The following RFC3 variants were observed in gnomAD, a reference collection of about 807,000 sequenced individuals.
The protein encoded by RFC3 is replication factor C subunit 3, also known as A1 38 kDa subunit.
RFC3 carries 41 observed loss-of-function variants against 45.1 expected under a neutral mutation model. The ratio of observed to expected loss-of-function variants is 0.91; its 90% CI spans 0.71 to 1.18. The LOEUF is 1.18. RFC3 is among the 50% of genes most tolerant of loss of function. The pLI is 0.00. For synonymous variants in RFC3, 149 were observed against 144.0 expected (o/e 1.03, Z -0.25); for missense variants, 423 against 428.1 (o/e 0.99, Z 0.10).
At chr13:33,874,113 A>G (rs2082430452) in intron 8 of RFC3, among the ~76,000 whole-genome samples, 1 of 152,200 alleles carries the variant, frequency 6.6e-6, no homozygotes, top group African/African-American at 2.4e-5. Context: ...CCTCTTCTGG[A>G]CCACACATAA....
chr13:33,894,308 A>G (rs1050787804), intron 8 of RFC3, among the ~76,000 whole-genome samples: 20 of 152,150 alleles, frequency 1.3e-4, no homozygotes, highest in Non-Finnish European at 2.2e-4. Flanking sequence ...GGTGGGGAGT[A>G]TATGAGAAGG....
chr13:33,900,165 A>G (rs1156909144), intron 8 of RFC3, among the ~76,000 whole-genome samples: 1 of 152,016 alleles, frequency 6.6e-6, no homozygotes, highest in Admixed American at 6.6e-5. Context: ...CTTCACAGAA[A>G]TACAAAAAGC....
chr13:33,823,922 A>T lies in RFC3; in HGVS notation c.231A>T (p.Pro77=), dbSNP rs1160535881. 3.9e-6 allele frequency: 6 copies of T among 1,540,238 alleles called. No individual in the cohort carries two copies. The highest frequency in any genetic ancestry group is 4.5e-6 in the Non-Finnish European group (5 of 1,121,968). The stretch of plus-strand genomic sequence containing the variant: ...ATCTTTTTCTTTGTCCACAGACTCC[A>T]TCTAAAAAAAAAATTGAAATTAGCA... The part of the protein sequence containing the change: ...LRIEHQTITT[P]SKKKIEISTI... The change falls in exon 3 of 9, where the codon CCA becomes CCT. Residue 77 remains proline, a synonymous_variant. Transcript: ENST00000380071.
intron 8 of RFC3, among the ~76,000 whole-genome samples, chr13:33,933,769 A>G (rs977359889): frequency 6.6e-6 from 1 of 152,118 alleles, no homozygotes; most frequent in Non-Finnish European, 1.5e-5. Context: ...ATTTGTTTGC[A>G]TTTATATTTT....
At position 33,919,131 on chromosome 13, in the gene RFC3, T is replaced by A. The variant is rs183062061; in HGVS notation, c.880-46956T>A. On this transcript the variant is annotated intron_variant, in intron 8 of 8. Transcript: ENST00000434425. ...TTATCTGAGTCGTCCCAAACAATCA[T>A]TATTGTTTATGTTGATGATGTTTTT... 9.3e-4 allele frequency among the ~76,000 whole-genome samples: 142 copies of A among 152,222 alleles called. 1 individual carries two copies. Among genetic ancestry groups the A allele is most frequent in the Middle Eastern group, 3.4e-3 (1 of 294 alleles).
At chr13:33,860,606 ATG>A (rs1345797998) in intron 8 of RFC3, among the ~76,000 whole-genome samples, 1 of 151,972 alleles carries the variant, frequency 6.6e-6, no homozygotes, top group Non-Finnish European at 1.5e-5. Context: ...TCGACTCCGC[ATG>A]TGTCCCAGGC....
At chr13:33,862,224 A>T in intron 8 of RFC3, among the ~76,000 whole-genome samples, 1 of 148,134 alleles carries the variant, frequency 6.8e-6, no homozygotes, top group Non-Finnish European at 1.5e-5. Context: ...CTGAAGAATT[A>T]GGTCTGGTAA....
At chr13:33,937,633 A>G (rs1199627414) in intron 8 of RFC3, among the ~76,000 whole-genome samples, 1 of 152,164 alleles carries the variant, frequency 6.6e-6, no homozygotes, top group Non-Finnish European at 1.5e-5. Context: ...TAGCATGCGC[A>G]TAGAAACACA....
intron 8 of RFC3, among the ~76,000 whole-genome samples, chr13:33,870,822 A>G (rs112613541): frequency 1.3e-5 from 2 of 152,354 alleles, no homozygotes; most frequent in East Asian, 1.9e-4. Context: ...AATGCATTTA[A>G]TATGCCTCTA....
At chr13:33,919,913 G>A (rs1478323471) in intron 8 of RFC3, among the ~76,000 whole-genome samples, 1 of 152,132 alleles carries the variant, frequency 6.6e-6, no homozygotes, top group Non-Finnish European at 1.5e-5. Flanking sequence ...GTCTTCACAT[G>A]TAAAATGAGA....
At chr13:33,910,335 A>C (rs72621258) in intron 8 of RFC3, among the ~76,000 whole-genome samples, 1 of 152,066 alleles carries the variant, frequency 6.6e-6, no homozygotes, top group Admixed American at 6.6e-5. Context: ...TTCTAAGCCT[A>C]ATTTGCTCAT....
chr13:33,938,997 G>A (rs1386627196), intron 8 of RFC3, among the ~76,000 whole-genome samples: 1 of 152,032 alleles, frequency 6.6e-6, no homozygotes, highest in Non-Finnish European at 1.5e-5. Flanking sequence ...GTTTTGATAT[G>A]CTAATTATAA....
At position 33,836,443 on chromosome 13, in the gene RFC3, C is replaced by T; in HGVS notation, c.*148C>T. On this transcript the variant is annotated 3_prime_UTR_variant, in exon 9 of 9. Transcript: ENST00000380071. Reference sequence around the variant, plus strand: ...ACTTCTCTGTGAACTATTAATCATCCTCTGAGTTAAATAATTGCTCCTATA... The same window carrying T: ...ACTTCTCTGTGAACTATTAATCATCTTCTGAGTTAAATAATTGCTCCTATA... 3.5e-6 allele frequency: 5 copies of T among 1,445,728 alleles called. No individual in the cohort carries two copies. The South Asian group carries it at 6.0e-5, about 17-fold the overall frequency. The allele number at this position is 1,445,728 out of a possible 1,614,324, so 89.6% of individuals were successfully genotyped here.
At chr13:33,943,477 T>C (rs1593709339) in intron 8 of RFC3, among the ~76,000 whole-genome samples, 1 of 152,150 alleles carries the variant, frequency 6.6e-6, no homozygotes, top group Non-Finnish European at 1.5e-5. Context: ...TGTCTAGAAG[T>C]GAAGATTAGG....
intron 8 of RFC3, among the ~76,000 whole-genome samples, chr13:33,868,398 TCTC>T (rs1171475071): frequency 1.3e-5 from 2 of 150,106 alleles, no homozygotes; most frequent in Non-Finnish European, 3.0e-5. Flanking sequence ...AAACCCCACT[TCTC>T]CACACCCAAC....
At chr13:33,862,208 G>A (rs61945808) in intron 8 of RFC3, among the ~76,000 whole-genome samples, 1,833 of 150,566 alleles carry the variant, frequency 0.012, 17 homozygotes, top group South Asian at 0.017. Context: ...TTGGCTGAGT[G>A]CCATACTGAA....
intron 8 of RFC3, among the ~76,000 whole-genome samples, chr13:33,919,911 A>G (rs1417549412): frequency 6.6e-6 from 1 of 152,162 alleles, no homozygotes. Flanking sequence ...TAGTCTTCAC[A>G]TGTAAAATGA....
intron 8 of RFC3, among the ~76,000 whole-genome samples, chr13:33,914,976 A>C (rs1566026565): frequency 1.3e-5 from 2 of 152,126 alleles, no homozygotes; most frequent in South Asian, 4.1e-4. Context: ...TTCTTTTATG[A>C]TATATTAAAT....
chr13:33,859,947 T>C (rs912393024), intron 8 of RFC3, among the ~76,000 whole-genome samples: 4 of 152,122 alleles, frequency 2.6e-5, no homozygotes, highest in Admixed American at 1.3e-4. Flanking sequence ...TAATTAAGGT[T>C]GAATGATGTC....
Sources: allele counts gnomAD v4.1 joint callset (sites outside exome capture counted in the v4.1 genomes callset), GRCh38; gene constraint gnomAD v4.1.1; transcripts MANE v1.5; gene names NCBI Gene and HGNC (gene_info 2026-07-23, HGNC 2026-07-21).